BTAF1: variants seen among roughly 807,000 people sequenced by gnomAD.
The protein encoded by BTAF1 is B-TFIID TATA-box binding protein associated factor 1.
In BTAF1, 38 loss-of-function variants were observed where a neutral mutation model predicts 227.1. The ratio of observed to expected loss-of-function variants is 0.17; its 90% CI spans 0.13 to 0.22. BTAF1 has a LOEUF of 0.22. Ranked by LOEUF, BTAF1 falls within the 10% of genes least tolerant of loss-of-function variation. The pLI is 1.00. For synonymous variants in BTAF1, 742 were observed against 751.9 expected, an observed-to-expected ratio of 0.99 and a Z score of 0.21; for missense variants, 1,598 against 2,204.0, an observed-to-expected ratio of 0.73 and a Z score of 5.51.
chr10:92,015,323 A>G (rs976103827), intron 32 of BTAF1, among the ~76,000 whole-genome samples: 1 of 152,142 alleles, frequency 6.6e-6, no homozygotes, highest in Non-Finnish European at 1.5e-5. Flanking sequence ...GTGTCAGTCT[A>G]TCTTACTATT....
chr10:91,942,436 A>G lies in BTAF1; in HGVS notation c.268A>G (p.Ser90Gly), dbSNP rs775373054. ...ACCTCATGTAGAACCTACTTCCGAAAGTTCTATGGAAGATTCACCTACTAC... is the reference window on the plus strand; with the variant it reads ...ACCTCATGTAGAACCTACTTCCGAAGGTTCTATGGAAGATTCACCTACTAC... ...PRTRQEPTSE[S>G]SMEDSPTTER... Residue 90 changes from serine to glycine, a missense_variant, in exon 4 of 38, where the codon AGT becomes GGT. By Grantham distance (56) the Ser-to-Gly change is moderately conservative (BLOSUM62 0). Transcript: ENST00000265990. 8 of 1,613,692 alleles carry G rather than the reference A, an allele frequency of 5.0e-6. No homozygotes were observed. In the Admixed American group the frequency reaches 1.3e-4, roughly 27 times the overall value.
chr10:91,962,372 A>G (rs1375722646), intron 11 of BTAF1, among the ~76,000 whole-genome samples, 166 bp from the exon 12 acceptor site: 2 of 152,232 alleles, frequency 1.3e-5, no homozygotes, highest in African/African-American at 4.8e-5. Context: ...TGTTCACAGA[A>G]TGACAGAATT....
chr10:92,027,174 G>A lies in BTAF1; in HGVS notation c.5280G>A (p.Leu1760=), dbSNP rs150588277. Residue 1760 remains leucine (L), a synonymous_variant, in exon 37 of 38, where the codon TTG becomes TTA. Coordinates refer to ENST00000265990, the MANE Select transcript of BTAF1 (RefSeq NM_003972.3). The stretch of plus-strand genomic sequence containing the variant: ...ACCGATTGATAACCAGAGGAACATT[G>A]GAAGAAAAAATAATGGGGTTGCAGA... ...NVYRLITRGT[L]EEKIMGLQKF... is the part of the protein sequence containing the mutation. 2 of 1,613,684 alleles carry A rather than the reference G, an allele frequency of 1.2e-6. No individual in the cohort carries two copies. The highest frequency in any genetic ancestry group is 2.7e-5 in the African/African-American group (2 of 74,888).
At chr10:91,956,707 G>C in intron 7 of BTAF1, 50 bp downstream of exon 7, 2 of 1,575,584 alleles carry the variant, frequency 1.3e-6, no homozygotes, top group Non-Finnish European at 1.7e-6. Context: ...TATAATCTTT[G>C]GGCCAGCAGC....
At position 92,016,480 on chromosome 10, in the gene BTAF1, C is replaced by T; in HGVS notation, c.4710+15C>T. On this transcript the variant is annotated intron_variant, in intron 33 of 37. Coordinates refer to ENST00000265990, the MANE Select transcript of BTAF1 (RefSeq NM_003972.3). The stretch of plus-strand genomic sequence containing the variant: ...ACGTATTCCAGGTATAGATTACATT[C>T]TACTTTTTTTTTTTTTGAGATGGAA... 7 of 1,514,492 alleles carry T rather than the reference C, an allele frequency of 4.6e-6. No homozygotes were observed. The highest frequency in any genetic ancestry group is 2.5e-5 in the Admixed American group (1 of 40,702). The allele number at this position is 1,514,492 out of a possible 1,614,324, so 93.8% of individuals were successfully genotyped here.
In BTAF1 at chr10:91,976,340, C is replaced by G. The variant is rs1239209861; in HGVS notation, c.1651-4114C>G. 2.0e-5 allele frequency among the ~76,000 whole-genome samples: 3 copies of G among 152,120 alleles called. No homozygotes were observed. In the East Asian group the frequency reaches 5.8e-4, roughly 29 times the overall value. ...TAAATGTAGGTGTTTTATGGAGACT[C>G]TATTATGTAGTCATGATTGATTGAA... is the stretch of plus-strand genomic sequence containing the variant. On this transcript the variant is annotated intron_variant, in intron 14 of 37. Coordinates refer to ENST00000265990, the MANE Select transcript of BTAF1 (RefSeq NM_003972.3).
Position 91,996,565 on chromosome 10 carries a change from T to A in BTAF1, c.3506T>A (p.Leu1169His), listed in dbSNP as rs1849160060. 6.2e-7 allele frequency: 1 copy of A among 1,613,856 alleles called. No homozygotes were observed. Among genetic ancestry groups the A allele is most frequent in the South Asian group, 1.1e-5 (1 of 91,074 alleles). The change falls in exon 24 of 38, where the codon CTT becomes CAT. Residue 1169 changes from leucine to histidine, a missense_variant. By Grantham distance (99) the Leu-to-His change is moderately conservative (BLOSUM62 -3). Coordinates refer to ENST00000265990, the MANE Select transcript of BTAF1 (RefSeq NM_003972.3). ...SVKQEGAIEA[L>H]ACVMEQLDVG... ...AAACAAGAGGGTGCAATTGAAGCACTTGCCTGTATCCTTTTTCATTTGACA... is the reference window on the plus strand; with the variant it reads ...AAACAAGAGGGTGCAATTGAAGCACATGCCTGTATCCTTTTTCATTTGACA...
chr10:92,013,553 A>G (rs943273245), intron 30 of BTAF1, 114 bp from the exon 31 acceptor site: 74 of 1,346,488 alleles, frequency 5.5e-5, no homozygotes, highest in Non-Finnish European at 7.3e-5. Flanking sequence ...GTCTAAAAAT[A>G]TAGTGATAAT....
At chr10:92,017,915 C>T (rs1021834769) in intron 33 of BTAF1, among the ~76,000 whole-genome samples, 3 of 152,060 alleles carry the variant, frequency 2.0e-5, no homozygotes, top group Non-Finnish European at 4.4e-5. Flanking sequence ...AAATCTTAAG[C>T]CAAGTAAGAG....
intron 4 of BTAF1, among the ~76,000 whole-genome samples, chr10:91,946,845 CTT>C (rs199630530): frequency 3.5e-5 from 5 of 144,146 alleles, no homozygotes; most frequent in Non-Finnish European, 1.5e-5. Context: ...TTTTTCTTTT[CTT>C]TTTTTTTTTT....
At chr10:91,924,563 A>C (rs1046916737) in intron 1 of BTAF1, among the ~76,000 whole-genome samples, 2 of 152,154 alleles carry the variant, frequency 1.3e-5, no homozygotes, top group African/African-American at 4.8e-5. Context: ...CTTTCCTGAG[A>C]TGTTTTTTAA....
At chr10:91,934,535 G>A (rs1844476169) in intron 1 of BTAF1, among the ~76,000 whole-genome samples, 1 of 152,006 alleles carries the variant, frequency 6.6e-6, no homozygotes, top group Non-Finnish European at 1.5e-5. Flanking sequence ...GCCCAGCTGA[G>A]TTTCCTCCCA....
At chr10:92,003,253 A>G (rs1849672465) in intron 25 of BTAF1, among the ~76,000 whole-genome samples, 1 of 151,808 alleles carries the variant, frequency 6.6e-6, no homozygotes, top group African/African-American at 2.4e-5. Context: ...TTTTTTGGTG[A>G]AAACCCATTT....
At chr10:91,969,993 T>TTTTTGG (rs1847179963) in intron 14 of BTAF1, among the ~76,000 whole-genome samples, 1 of 151,848 alleles carries the variant, frequency 6.6e-6, no homozygotes, top group Admixed American at 6.6e-5. Context: ...TTCCAATTTT[T>TTTTTGG]AGTCCCTCAA....
chr10:91,992,567 T>C (rs929264545), intron 21 of BTAF1, among the ~76,000 whole-genome samples: 67 of 152,328 alleles, frequency 4.4e-4, no homozygotes, highest in Non-Finnish European at 7.6e-4. Context: ...TAGCAGTGAC[T>C]GTAGAGAAGG....
At chr10:91,960,991 A>G (rs1367936304) in intron 11 of BTAF1, among the ~76,000 whole-genome samples, 2 of 152,228 alleles carry the variant, frequency 1.3e-5, no homozygotes, top group Non-Finnish European at 2.9e-5. Flanking sequence ...ATATATACAC[A>G]TAATATTTTT....
chr10:91,930,019 T>C (rs1377139708), intron 1 of BTAF1, among the ~76,000 whole-genome samples: 1 of 152,204 alleles, frequency 6.6e-6, no homozygotes, highest in Non-Finnish European at 1.5e-5. Flanking sequence ...TCCTCCTTAT[T>C]TCTTTGGCGT....
intron 14 of BTAF1, among the ~76,000 whole-genome samples, chr10:91,968,661 A>G (rs754124204): frequency 2.0e-5 from 3 of 152,190 alleles, no homozygotes; most frequent in Non-Finnish European, 2.9e-5. Context: ...TCTACCAGCA[A>G]TGAGTGAGGG....
intron 11 of BTAF1, among the ~76,000 whole-genome samples, chr10:91,961,236 A>G (rs947466076): frequency 2.0e-5 from 3 of 152,188 alleles, no homozygotes; most frequent in African/African-American, 7.2e-5. Flanking sequence ...ACCTTTTCTT[A>G]CCAGTTTAAT....
Sources: gnomAD v4.1 joint callset for allele counts (sites outside exome capture counted in the v4.1 genomes callset) on GRCh38, gnomAD v4.1.1 for gene constraint, MANE v1.5 for transcripts, NCBI Gene and HGNC (gene_info 2026-07-23, HGNC 2026-07-21) for gene names.